The following HEXIM2 variants were observed in gnomAD, a reference collection of about 807,000 sequenced individuals.
HEXIM2 encodes the protein protein HEXIM2.
For missense variants in HEXIM2, 413 were observed against 390.8 expected (o/e 1.06, Z -0.48); for synonymous variants, 159 against 162.7 (o/e 0.98, Z 0.17).
chr17:45,162,284 G>A (rs553779603), intron 1 of HEXIM2, among the ~76,000 whole-genome samples: 42 of 152,300 alleles, frequency 2.8e-4, no homozygotes, highest in African/African-American at 9.9e-4. Flanking sequence ...GAGAAGGTTG[G>A]GGGTGCAGGG....
At chr17:45,168,854 A>G in intron 3 of HEXIM2, 161 bp from the exon 4 acceptor site, 1 of 714,904 alleles carries the variant, frequency 1.4e-6, no homozygotes, top group African/African-American at 1.8e-5. Context: ...GACAGTAGAC[A>G]GGTCTCTTTG....
chr17:45,168,553 G>T (rs2042931461), intron 3 of HEXIM2, among the ~76,000 whole-genome samples: 2 of 151,996 alleles, frequency 1.3e-5, no homozygotes, highest in South Asian at 2.1e-4. Context: ...CAGGTGTGGG[G>T]CCTCTGTGGG....
Position 45,169,750 on chromosome 17 carries a change from C to T in HEXIM2, c.802C>T (p.Gln268Ter). ...CCGGACCGAAAACCAGCGGCTTCGT[C>T]AGGAGAACCAGATGTGGAACCGAGA... ...RLRTENQRLR[Q>*]ENQMWNREGC... Residue 268 changes from glutamine to a stop codon, truncating the protein, a stop_gained, in exon 4 of 4, where the codon CAG (glutamine) becomes TAG (stop). Coordinates refer to ENST00000589230, the MANE Select transcript of HEXIM2 (RefSeq NM_001303441.2). LOFTEE classifies it low-confidence loss of function (END_TRUNC). 1 of 1,475,916 alleles carries T rather than the reference C, an allele frequency of 6.8e-7. No homozygotes were observed. Among genetic ancestry groups the T allele is most frequent in the South Asian group, 1.3e-5 (1 of 74,150 alleles). The allele number at this position is 1,475,916 out of a possible 1,614,324, so 91.4% of individuals were successfully genotyped here.
Position 45,169,739 on chromosome 17 carries a change from A to G in HEXIM2, c.791A>G (p.Gln264Arg). The change falls in exon 4 of 4, where the codon CAG becomes CGG. Residue 264 changes from glutamine to arginine, a missense_variant. Gln to Arg is a conservative substitution (Grantham distance 43). Coordinates refer to ENST00000589230, the MANE Select transcript of HEXIM2 (RefSeq NM_001303441.2). Reference protein sequence around the residue: ...AEVQRLRTENQRLRQENQMWN... With the variant: ...AEVQRLRTENRRLRQENQMWN... ...GTCCAGAGGCTCCGGACCGAAAACC[A>G]GCGGCTTCGTCAGGAGAACCAGATG... 1.3e-6 allele frequency: 2 copies of G among 1,487,986 alleles called. No individual in the cohort carries two copies. Among genetic ancestry groups the G allele is most frequent in the Non-Finnish European group, 1.8e-6 (2 of 1,117,404 alleles). The allele number at this position is 1,487,986 out of a possible 1,614,324, so 92.2% of individuals were successfully genotyped here.
At chr17:45,160,776 G>A, upstream of HEXIM2, 2 of 522,208 alleles carry the variant, frequency 3.8e-6, no homozygotes, top group Admixed American at 4.7e-5. Flanking sequence ...GAATGGGAGA[G>A]ATCTTGAGGG....
rs993252551 is a variant in HEXIM2, at chr17:45,162,582, G to A, written c.-98G>A. 7.1e-7 allele frequency: 1 copy of A among 1,406,676 alleles called. No individual in the cohort carries two copies. Among genetic ancestry groups the A allele is most frequent in the African/African-American group, 1.5e-5 (1 of 68,842 alleles). The allele number at this position is 1,406,676 out of a possible 1,614,324, so 87.1% of individuals were successfully genotyped here. ...CCCATTTGGCCCCTTGCTGGCTGGA[G>A]GTGTGAAAACCAGCGGTGGAGGCAG... On this transcript the variant is annotated 5_prime_UTR_variant, in exon 2 of 4. Transcript: ENST00000589230.
In HEXIM2 at chr17:45,162,812, C is replaced by A. The variant is rs747663194; in HGVS notation, c.19C>A (p.Gln7Lys). The change falls in exon 3 of 4, where the codon CAG becomes AAG. Residue 7 changes from glutamine to lysine, a missense_variant. Physicochemically the swap from Gln to Lys is moderately conservative, Grantham distance 53. Coordinates refer to ENST00000589230, the MANE Select transcript of HEXIM2 (RefSeq NM_001303441.2). Reference sequence around the variant, plus strand: ...ACAGAAGATGATGGCCACTCCGAACCAGACCGCCTGTAATGCAGAGTCACC... The same window carrying A: ...ACAGAAGATGATGGCCACTCCGAACAAGACCGCCTGTAATGCAGAGTCACC... The part of the protein sequence containing the change: MMATPN[Q>K]TACNAESPVA... The A allele has an allele frequency of 1.2e-6, 2 of 1,613,878 alleles. No homozygotes were observed. The highest frequency in any genetic ancestry group is 8.5e-7 in the Non-Finnish European group (1 of 1,179,956).
chr17:45,161,745 C>T (rs753186621), upstream of HEXIM2: 5 of 753,270 alleles, frequency 6.6e-6, no homozygotes, highest in African/African-American at 1.9e-5. Context: ...GTGATGCGCG[C>T]GCGGTCTGCC....
At chr17:45,161,315 A>C, upstream of HEXIM2, 1 of 298,638 alleles carries the variant, frequency 3.3e-6, no homozygotes, top group Non-Finnish European at 6.8e-6. Context: ...CGGTTTGAGG[A>C]CCGGGCTCGG....
chr17:45,162,433 A>G, intron 1 of HEXIM2, 55 bp from the exon 2 acceptor site: 1 of 1,088,102 alleles, frequency 9.2e-7, no homozygotes, highest in Non-Finnish European at 1.1e-6. Flanking sequence ...TGGTTGGGGA[A>G]ACAAAACTTA....
chr17:45,166,892 G>T (rs1201144904), intron 3 of HEXIM2, among the ~76,000 whole-genome samples: 1 of 150,858 alleles, frequency 6.6e-6, no homozygotes, highest in Non-Finnish European at 1.5e-5. Context: ...GGGCATGGTA[G>T]TGGGCACCTG....
Position 45,162,845 on chromosome 17 carries a change from C to T in HEXIM2, c.52C>T (p.Leu18=). 6.2e-7 allele frequency: 1 copy of T among 1,612,570 alleles called. No homozygotes were observed. Among genetic ancestry groups the T allele is most frequent in the Non-Finnish European group, 8.5e-7 (1 of 1,179,160 alleles). ...TACNAESPVA[L]EEAKTSGAPG... ...CTGTAATGCAGAGTCACCAGTGGCCCTGGAGGAGGCCAAGGTAAGTCCCTG... is the reference window on the plus strand; with the variant it reads ...CTGTAATGCAGAGTCACCAGTGGCCTTGGAGGAGGCCAAGGTAAGTCCCTG... The change falls in exon 3 of 4, where the codon CTG becomes TTG. Residue 18 remains leucine (L), a synonymous_variant. Coordinates refer to ENST00000589230, the MANE Select transcript of HEXIM2 (RefSeq NM_001303441.2).
chr17:45,169,860 A>G lies in HEXIM2; in HGVS notation c.*51A>G. The G allele has an allele frequency of 7.2e-7, 1 of 1,398,570 alleles. No individual in the cohort carries two copies. The highest frequency in any genetic ancestry group is 9.3e-7 in the Non-Finnish European group (1 of 1,073,984). 86.6% of individuals were successfully genotyped at this position (1,398,570 alleles called of 1,614,324 possible). On this transcript the variant is annotated 3_prime_UTR_variant, in exon 4 of 4. Transcript: ENST00000589230. ...AAGGAGAAGGTCCCATTTCGTGCAC[A>G]CTCAGGCCAGCTGGGTCTCAAGGAG...
At position 45,168,979 on chromosome 17, in the gene HEXIM2, G is replaced by C. The variant is rs1385962328; in HGVS notation, c.67-36G>C. 6 of 1,554,936 alleles carry C rather than the reference G, an allele frequency of 3.9e-6. No homozygotes were observed. The South Asian group carries it at 7.3e-5, about 19-fold the overall frequency. ...AAGGTTCCACCTCCAAGGACAGGCT[G>C]TCTGATCCATCCTTCTTCCTCCTCC... is the stretch of plus-strand genomic sequence containing the variant. On this transcript the variant is annotated intron_variant, in intron 3 of 3. Coordinates refer to ENST00000589230, the MANE Select transcript of HEXIM2 (RefSeq NM_001303441.2).
chr17:45,168,990 CCTT>C (rs774836342), intron 3 of HEXIM2, 22 bp from the exon 4 acceptor site: 69 of 1,571,526 alleles, frequency 4.4e-5, no homozygotes, highest in African/African-American at 6.8e-5. Context: ...TCTGATCCAT[CCTT>C]CTTCCTCCTC....
In HEXIM2 at chr17:45,169,539, C is replaced by T. The variant is rs146516847; in HGVS notation, c.591C>T (p.Tyr197=). The T allele has an allele frequency of 1.5e-4, 231 of 1,578,388 alleles. 1 individual carries two copies. The African/African-American group carries it at 2.2e-3, about 15-fold the overall frequency. ...EFQRKDFSET[Y]ERFHTESLQG... ...AGCGGAAGGACTTCTCTGAGACTTA[C>T]GAACGCTTCCACACCGAGAGCCTGC... The change falls in exon 4 of 4, where the codon TAC becomes TAT. Residue 197 remains tyrosine (Y), a synonymous_variant. Transcript: ENST00000589230.
Position 45,169,215 on chromosome 17 carries a change from G to T in HEXIM2, c.267G>T (p.Lys89Asn). ...CAGCGGAGGCTGTGCTGGCCCGGAA[G>T]AAACACCGTCGGCGGCCATCGAAGC... ...GCSAEAVLAR[K>N]KHRRRPSKRK... is the part of the protein sequence containing the mutation. Residue 89 changes from lysine (K) to asparagine (N), a missense_variant, in exon 4 of 4, where the codon AAG (lysine) becomes AAT (asparagine). Transcript: ENST00000589230. The T allele has an allele frequency of 1.2e-6, 2 of 1,613,642 alleles. No homozygotes were observed. Among genetic ancestry groups the T allele is most frequent in the Non-Finnish European group, 1.7e-6 (2 of 1,180,046 alleles).
Position 45,169,329 on chromosome 17 carries a change from C to A in HEXIM2, c.381C>A (p.Val127=), listed in dbSNP as rs746111578. 7 of 1,613,792 alleles carry A rather than the reference C, an allele frequency of 4.3e-6. No individual in the cohort carries two copies. The African/African-American group carries it at 8.0e-5, about 18-fold the overall frequency. Residue 127 remains valine, a synonymous_variant, in exon 4 of 4, where the codon GTC becomes GTA. Coordinates refer to ENST00000589230, the MANE Select transcript of HEXIM2 (RefSeq NM_001303441.2). ...GGCAGAGCCAGAGGGCCTCCCGGGT[C>A]CGCGAAGAGATGTTCGCCAAAGGCC... ...DERQSQRASR[V]REEMFAKGQP... is the part of the protein sequence containing the mutation.
At position 45,169,236 on chromosome 17, in the gene HEXIM2, G is replaced by C. The variant is rs899367390; in HGVS notation, c.288G>C (p.Ser96=). The change falls in exon 4 of 4, where the codon TCG becomes TCC. Residue 96 remains serine (S), a synonymous_variant. Coordinates refer to ENST00000589230, the MANE Select transcript of HEXIM2 (RefSeq NM_001303441.2). ...GGAAGAAACACCGTCGGCGGCCATC[G>C]AAGCGCAAAAGGCACTGGCGACCCT... ...LARKKHRRRP[S]KRKRHWRPYL... 6.2e-7 allele frequency: 1 copy of C among 1,613,546 alleles called. No homozygotes were observed. The highest frequency in any genetic ancestry group is 1.1e-5 in the South Asian group (1 of 91,090).
Sources: gnomAD v4.1 joint callset for allele counts (sites outside exome capture counted in the v4.1 genomes callset) on GRCh38, gnomAD v4.1.1 for gene constraint, MANE v1.5 for transcripts, NCBI Gene and HGNC (gene_info 2026-07-23, HGNC 2026-07-21) for gene names.